Variants in CFAP97 observed in about 807,000 individuals in gnomAD.
CFAP97 encodes cilia and flagella associated protein 97.
CFAP97 carries 36 observed loss-of-function variants against 43.1 expected under a neutral mutation model. The ratio of observed to expected loss-of-function variants is 0.84; its 90% confidence interval spans 0.64 to 1.10. The LOEUF (loss-of-function observed/expected upper bound fraction) is 1.10, where lower values mean the gene tolerates loss of function less well. CFAP97 is among the 50% of genes least tolerant of loss of function. The probability of loss-of-function intolerance (pLI) is 0.00; values close to 1 mark genes in which losing one functional copy is unlikely to be tolerated. For synonymous variants in CFAP97, 228 were observed against 225.7 expected, an observed-to-expected ratio of 1.01 and a Z score of -0.09; for missense variants, 657 against 620.3, an observed-to-expected ratio of 1.06 and a Z score of -0.63.
intron 2 of CFAP97, chr4:185,182,454 T>A (rs1017476513): frequency 6.6e-6 from 1 of 152,216 alleles, no homozygotes; most frequent in Admixed American, 6.5e-5. Context: ...TCTTTCAAGA[T>A]CCACTTCAAA....
chr4:185,181,663 C>G (rs1735795520), intron 2 of CFAP97, among the ~76,000 whole-genome samples: 1 of 152,160 alleles, frequency 6.6e-6, no homozygotes, highest in African/African-American at 2.4e-5. Context: ...CCTCAAAGAT[C>G]CTAAAATCAT....
At chr4:185,201,069 A>ATGGC in intron 1 of CFAP97, among the ~76,000 whole-genome samples, 2 of 152,190 alleles carry the variant, frequency 1.3e-5, no homozygotes, top group South Asian at 4.1e-4. Context: ...CACGCCTGTA[A>ATGGC]TCCCAACACT....
intron 2 of CFAP97, among the ~76,000 whole-genome samples, chr4:185,181,249 G>C (rs551581485): frequency 2.8e-5 from 4 of 142,942 alleles, no homozygotes; most frequent in Non-Finnish European, 6.0e-5. Flanking sequence ...AACAGAGCGA[G>C]ACTCCGTCTC....
rs776096664 is a variant in CFAP97, at chr4:185,190,933, A to G, written c.264T>C (p.Thr88=). 1.3e-5 allele frequency: 21 copies of G among 1,613,780 alleles called. No individual in the cohort carries two copies. In the Admixed American group the frequency reaches 1.5e-4, roughly 12 times the overall value. ...AGGCTGGCAATGAGAAAGAACTTAC[A>G]GTTTGTGTAACATCATTCTCTACGG... ...EHPVENDVTQ[T]VSSFSLPASS... The change falls in exon 2 of 5, where the codon ACT becomes ACC. Residue 88 remains threonine (T), a synonymous_variant. Coordinates refer to ENST00000458385, the MANE Select transcript of CFAP97 (RefSeq NM_020827.3).
chr4:185,176,005 A>G lies in CFAP97; in HGVS notation c.1101T>C (p.Asp367=). The change falls in exon 3 of 5, where the codon GAT becomes GAC. Residue 367 remains aspartate (D), a synonymous_variant. Coordinates refer to ENST00000458385, the MANE Select transcript of CFAP97 (RefSeq NM_020827.3). ...DKKGPQKHHF[D]QPSVAPGKNY... ...TTTTCCCGGGTGCTACTGAAGGCTG[A>G]TCAAAGTGATGTTTTTGTGGTCCTT... The G allele has an allele frequency of 6.2e-7, 1 of 1,611,532 alleles. No homozygotes were observed. The highest frequency in any genetic ancestry group is 8.5e-7 in the Non-Finnish European group (1 of 1,179,170).
chr4:185,198,864 A>G (rs184645846), intron 1 of CFAP97, among the ~76,000 whole-genome samples: 1 of 152,328 alleles, frequency 6.6e-6, no homozygotes, highest in Admixed American at 6.5e-5. Context: ...AGCTAAGAGA[A>G]TTGCTGAATG....
intron 3 of CFAP97, chr4:185,169,490 G>C (rs1055074366): frequency 2.0e-5 from 12 of 599,288 alleles, no homozygotes; most frequent in Non-Finnish European, 2.5e-5. Flanking sequence ...AGAACTGTAA[G>C]TCAATTAAAA....
chr4:185,207,858 GT>G (rs1170344592), upstream of CFAP97: 1 of 152,160 alleles, frequency 6.6e-6, no homozygotes, highest in African/African-American at 2.4e-5. Context: ...AGTGCTGTTA[GT>G]TACTATTATG....
chr4:185,209,941 G>T, upstream of CFAP97: 1 of 983,700 alleles, frequency 1.0e-6, no homozygotes, highest in South Asian at 4.6e-5. This position sits in a 1 kb window ranked among gnomAD's most constrained non-coding sequence, Gnocchi z 5.2. Context: ...GGAGTCCCCG[G>T]GGGACGCGGA....
At chr4:185,178,379 C>T (rs1382956255) in intron 2 of CFAP97, among the ~76,000 whole-genome samples, 10 of 150,828 alleles carry the variant, frequency 6.6e-5, no homozygotes, top group Non-Finnish European at 1.2e-4. Context: ...TCCTGAGTAG[C>T]TGGGATTACA....
Position 185,190,132 on chromosome 4 carries a change from A to T in CFAP97, c.1054+11T>A, listed in dbSNP as rs1224522523. 6.5e-7 allele frequency: 1 copy of T among 1,529,116 alleles called. No homozygotes were observed. The highest frequency in any genetic ancestry group is 8.8e-7 in the Non-Finnish European group (1 of 1,135,420). The allele number at this position is 1,529,116 out of a possible 1,614,324, so 94.7% of individuals were successfully genotyped here. ...TTTAAACACACATTTTTAAGAAGAA[A>T]AGAAAATTACCTTTCAAGAGATGAT... On this transcript the variant is annotated intron_variant, in intron 2 of 4. Transcript: ENST00000458385.
chr4:185,184,460 G>T (rs1735931219), intron 2 of CFAP97, among the ~76,000 whole-genome samples: 1 of 152,132 alleles, frequency 6.6e-6, no homozygotes, highest in Admixed American at 6.6e-5. Context: ...ATTTCTTTAA[G>T]AAGTTTCCTC....
chr4:185,194,332 T>C (rs1736442797), intron 1 of CFAP97, among the ~76,000 whole-genome samples: 1 of 152,174 alleles, frequency 6.6e-6, no homozygotes, highest in South Asian at 2.1e-4. Flanking sequence ...CTACTAAAAA[T>C]ACAAAAATTA....
chr4:185,164,054 G>A lies in CFAP97; in HGVS notation c.1446C>T (p.Ser482=). The A allele has an allele frequency of 1.2e-6, 2 of 1,613,888 alleles. No homozygotes were observed. Among genetic ancestry groups the A allele is most frequent in the Non-Finnish European group, 8.5e-7 (1 of 1,179,822 alleles). Residue 482 remains serine, a synonymous_variant, in exon 4 of 5, where the codon TCC becomes TCT. Transcript: ENST00000458385. ...TTAATGGGCTATATTGGCCAAGAGTGGATCTGGCCCGTCTTGACAATGGTG... is the reference window on the plus strand; with the variant it reads ...TTAATGGGCTATATTGGCCAAGAGTAGATCTGGCCCGTCTTGACAATGGTG... The part of the protein sequence containing the change: ...NSSPLSRRAR[S]TLGQYSPLRA...
At chr4:185,206,660 C>CAAA (rs375061067), upstream of CFAP97, among the ~76,000 whole-genome samples, 219 of 77,372 alleles carry the variant, frequency 2.8e-3, 8 homozygotes, top group African/African-American at 5.7e-3. Context: ...ACTCTTGTCT[C>CAAA]AAAAAAAAAA....
At chr4:185,170,419 T>C (rs1215393543) in intron 3 of CFAP97, 1 of 414,902 alleles carries the variant, frequency 2.4e-6, no homozygotes, top group Non-Finnish European at 4.3e-6. Flanking sequence ...ATTTTTTACT[T>C]ATTTATTGAG....
At chr4:185,195,055 T>C (rs1311685351) in intron 1 of CFAP97, among the ~76,000 whole-genome samples, 2 of 152,228 alleles carry the variant, frequency 1.3e-5, no homozygotes, top group East Asian at 3.9e-4. Flanking sequence ...TCTACTACTG[T>C]TTGCAGTAGC....
At chr4:185,188,065 T>A (rs1736080374) in intron 2 of CFAP97, among the ~76,000 whole-genome samples, 1 of 151,704 alleles carries the variant, frequency 6.6e-6, no homozygotes, top group Non-Finnish European at 1.5e-5. Flanking sequence ...CCCAGCTAAT[T>A]TTTGTATTTT....
In CFAP97 at chr4:185,160,132, T is replaced by C. The variant is rs1734826240; in HGVS notation, c.*2666A>G. 1 of 152,136 alleles carries C rather than the reference T, an allele frequency of 6.6e-6. No individual in the cohort carries two copies. Among genetic ancestry groups the C allele is most frequent in the Admixed American group, 6.5e-5 (1 of 15,268 alleles). 9.4% of individuals were successfully genotyped at this position (152,136 alleles called of 1,614,324 possible). A position where few individuals can be genotyped will look rare whatever the true frequency, so the allele number is the denominator to read the frequency against. On this transcript the variant is annotated 3_prime_UTR_variant, in exon 5 of 5. Coordinates refer to ENST00000458385, the MANE Select transcript of CFAP97 (RefSeq NM_020827.3). ...AACCAAAGAACTTTATTTGGAGTAA[T>C]AGCTAAGAAAACAGCTTTTTATGGA...
Sources: allele counts gnomAD v4.1 joint callset (sites outside exome capture counted in the v4.1 genomes callset), GRCh38; gene constraint gnomAD v4.1.1; non-coding constraint Gnocchi (gnomAD v3.1); transcripts MANE v1.5; gene names NCBI Gene and HGNC (gene_info 2026-07-23, HGNC 2026-07-21).